The following COL25A1 variants were observed in gnomAD, a reference collection of about 807,000 sequenced individuals.
COL25A1 encodes collagen alpha-1(XXV) chain.
A neutral mutation model predicts 128.4 loss-of-function variants in COL25A1; 103 were observed. The ratio of observed to expected loss-of-function variants is 0.80; its 90% confidence interval spans 0.68 to 0.94. COL25A1 has a LOEUF of 0.94. Ranked by LOEUF, COL25A1 falls within the 40% of genes least tolerant of loss-of-function variation. The pLI is 0.00. For missense variants in COL25A1, 745 were observed against 840.0 expected (o/e 0.89, Z 1.40); for synonymous variants, 279 against 277.2 (o/e 1.01, Z -0.06).
chr4:108,852,573 A>G (rs186490205), intron 25 of COL25A1, among the ~76,000 whole-genome samples: 6 of 152,280 alleles, frequency 3.9e-5, no homozygotes, highest in Non-Finnish European at 2.9e-5. Context: ...ATTGGGATGA[A>G]TTAGCATACG....
At chr4:109,161,348 A>G (rs1315746590) in intron 3 of COL25A1, among the ~76,000 whole-genome samples, 2 of 152,204 alleles carry the variant, frequency 1.3e-5, no homozygotes, top group African/African-American at 2.4e-5. Context: ...CTGAAATGTC[A>G]ATAGTGCCAA....
At chr4:109,010,166 C>A (rs1756437176) in intron 6 of COL25A1, among the ~76,000 whole-genome samples, 192 bp downstream of exon 6, 1 of 152,146 alleles carries the variant, frequency 6.6e-6, no homozygotes, top group African/African-American at 2.4e-5. Context: ...CCATCTGGCC[C>A]AACAGCTGAT....
chr4:108,972,000 T>A (rs944912568), intron 8 of COL25A1, among the ~76,000 whole-genome samples: 1 of 152,176 alleles, frequency 6.6e-6, no homozygotes, highest in Non-Finnish European at 1.5e-5. Flanking sequence ...TTCTATATGA[T>A]CTTCAAGTTT....
At chr4:109,242,584 C>T (rs963390902) in intron 3 of COL25A1, among the ~76,000 whole-genome samples, 4 of 152,040 alleles carry the variant, frequency 2.6e-5, no homozygotes, top group Admixed American at 2.0e-4. Flanking sequence ...TGATTCTTCC[C>T]TGTTCCTTAA....
chr4:109,186,089 T>A (rs751210561), intron 3 of COL25A1, among the ~76,000 whole-genome samples: 1 of 152,204 alleles, frequency 6.6e-6, no homozygotes, highest in Non-Finnish European at 1.5e-5. Flanking sequence ...GCATCTCTCT[T>A]GCCAGGACCT....
At position 109,124,030 on chromosome 4, in the gene COL25A1, C is replaced by T. The variant is rs1768358290; in HGVS notation, c.368-73851G>A. The stretch of plus-strand genomic sequence containing the variant: ...TACATTAAAAGTTCAGAGTATGTTT[C>T]ATTCACAAAAAAATATTTCACAAAA... On this transcript the variant is annotated intron_variant, in intron 3 of 37. Transcript: ENST00000399132. Among the ~76,000 whole-genome samples the T allele has an allele frequency of 2.6e-5, 4 of 152,180 alleles. No homozygotes were observed. The South Asian group carries it at 8.3e-4, about 32-fold the overall frequency.
intron 3 of COL25A1, among the ~76,000 whole-genome samples, chr4:109,102,971 G>A (rs915144735): frequency 2.0e-5 from 3 of 152,086 alleles, no homozygotes; most frequent in African/African-American, 7.2e-5. Context: ...AACTTGCTGT[G>A]TATTTAAGCA....
rs183334020 is a variant in COL25A1, at chr4:109,199,306, A to G, written c.367+101277T>C. Among the ~76,000 whole-genome samples, 1,292 of 152,180 alleles carry G rather than the reference A, an allele frequency of 8.5e-3. 58 individuals carry two copies. The South Asian group carries it at 0.14, about 16-fold the overall frequency. On this transcript the variant is annotated intron_variant, in intron 3 of 37. Coordinates refer to ENST00000399132, the MANE Select transcript of COL25A1 (RefSeq NM_198721.4). ...ACTTCTGGTACAGAATTGGAATTACATTTCTTTTGTTTTTCTTTTTCTAGA... is the reference window on the plus strand; with the variant it reads ...ACTTCTGGTACAGAATTGGAATTACGTTTCTTTTGTTTTTCTTTTTCTAGA...
At chr4:109,140,843 C>T (rs181082384) in intron 3 of COL25A1, among the ~76,000 whole-genome samples, 22 of 152,196 alleles carry the variant, frequency 1.4e-4, no homozygotes, top group African/African-American at 3.6e-4. Flanking sequence ...GCTGAGATGA[C>T]GGGGTTTTCT....
At chr4:109,142,511 G>T (rs1168877134) in intron 3 of COL25A1, among the ~76,000 whole-genome samples, 1 of 151,160 alleles carries the variant, frequency 6.6e-6, no homozygotes, top group South Asian at 2.1e-4. Context: ...TTGACAGTGG[G>T]GTGTTAAAGT....
At chr4:109,113,236 G>A (rs570717385) in intron 3 of COL25A1, among the ~76,000 whole-genome samples, 200 of 152,202 alleles carry the variant, frequency 1.3e-3, no homozygotes, top group Middle Eastern at 3.4e-3. Flanking sequence ...ACCCCCTGAT[G>A]ACAGAAACAA....
chr4:109,240,482 T>G (rs1779825428), intron 3 of COL25A1, among the ~76,000 whole-genome samples: 3 of 152,048 alleles, frequency 2.0e-5, no homozygotes, highest in Non-Finnish European at 4.4e-5. Context: ...GGAACATACT[T>G]CTCATTAATA....
intron 3 of COL25A1, among the ~76,000 whole-genome samples, chr4:109,218,230 T>G (rs1274391236): frequency 6.6e-6 from 1 of 152,178 alleles, no homozygotes; most frequent in East Asian, 1.9e-4. Context: ...TTGTTATGTT[T>G]GACAAGATAC....
chr4:109,114,533 A>G (rs145977872), intron 3 of COL25A1, among the ~76,000 whole-genome samples: 88 of 152,170 alleles, frequency 5.8e-4, no homozygotes, highest in South Asian at 4.6e-3. Context: ...GAGAGGTGGA[A>G]TGTGCCATGT....
In COL25A1 at chr4:109,211,236, GTATATA is replaced by G. The variant is rs57777206; in HGVS notation, c.367+89341_367+89346del. 7.4e-3 allele frequency among the ~76,000 whole-genome samples: 975 copies of G among 130,930 alleles called. 10 individuals are homozygous for G. Among genetic ancestry groups the G allele is most frequent in the Non-Finnish European group, 0.013 (789 of 59,034 alleles). 85.9% of individuals were successfully genotyped at this position (130,930 alleles called of 152,430 possible). A position where few individuals can be genotyped will look rare whatever the true frequency, so the allele number is the denominator to read the frequency against. On this transcript the variant is annotated intron_variant, in intron 3 of 37. Coordinates refer to ENST00000399132, the MANE Select transcript of COL25A1 (RefSeq NM_198721.4). The stretch of plus-strand genomic sequence containing the variant: ...ATATATATATATTGTGTGTGTGTAT[GTATATA>G]TATGAAACAATATATATGTATATAT...
chr4:109,048,630 A>G (rs1760683227), intron 4 of COL25A1, among the ~76,000 whole-genome samples: 1 of 152,194 alleles, frequency 6.6e-6, no homozygotes, highest in Admixed American at 6.5e-5. Flanking sequence ...ATTATTGTAA[A>G]TATGCAAAAG....
At chr4:108,969,141 T>C (rs1578927986) in intron 8 of COL25A1, among the ~76,000 whole-genome samples, 1 of 152,156 alleles carries the variant, frequency 6.6e-6, no homozygotes, top group East Asian at 1.9e-4. Context: ...TCCCTCTTTG[T>C]CTACTCAGGT....
At chr4:109,185,452 G>C (rs1775049832) in intron 3 of COL25A1, among the ~76,000 whole-genome samples, 1 of 152,136 alleles carries the variant, frequency 6.6e-6, no homozygotes, top group South Asian at 2.1e-4. Context: ...ATGAGCCACA[G>C]GTTCAAATTC....
rs76696817 is a variant in COL25A1, at chr4:108,982,585, C to T, written c.439-8026G>A. Among the ~76,000 whole-genome samples, 9 of 152,062 alleles carry T rather than the reference C, an allele frequency of 5.9e-5. No homozygotes were observed. The East Asian group carries it at 1.5e-3, about 26-fold the overall frequency. ...AGATTCAATGTTGCTGCAGAAGAAC[C>T]GTGTTTATTATAGTGTCAAACTCTG... On this transcript the variant is annotated intron_variant, in intron 6 of 37. Transcript: ENST00000399132.
Sources: gnomAD v4.1 joint callset for allele counts (sites outside exome capture counted in the v4.1 genomes callset) on GRCh38, gnomAD v4.1.1 for gene constraint, MANE v1.5 for transcripts, NCBI Gene and HGNC (gene_info 2026-07-23, HGNC 2026-07-21) for gene names.